MMP26: variants seen among roughly 807,000 people sequenced by gnomAD.
MMP26 encodes matrix metalloproteinase-26.
A neutral mutation model predicts 31.0 loss-of-function variants in MMP26; 33 were observed. That is an observed-to-expected ratio of 1.06 (90% CI 0.81 to 1.42). MMP26 has a LOEUF of 1.42. Among genes scored for constraint, MMP26 ranks in the 40% most tolerant of loss-of-function variants. The pLI is 0.00. For synonymous variants in MMP26, 122 were observed against 114.9 expected (o/e 1.06, Z -0.40); for missense variants, 347 against 316.1 (o/e 1.10, Z -0.74).
chr11:4,908,311 A>T (rs1850937970), intron 2 of MMP26: 1 of 1,611,360 alleles, frequency 6.2e-7, no homozygotes, highest in Admixed American at 1.7e-5. Context: ...GGAGATAAGA[A>T]CTTGAACAAT....
At chr11:4,735,358 A>T (rs1409019076) in intron 1 of MMP26, among the ~76,000 whole-genome samples, 2 of 152,194 alleles carry the variant, frequency 1.3e-5, no homozygotes, top group African/African-American at 4.8e-5. Context: ...ATAGCTATAT[A>T]TACAGATATA....
At chr11:4,724,398 C>T (rs1387138498) in intron 1 of MMP26, among the ~76,000 whole-genome samples, 1 of 152,210 alleles carries the variant, frequency 6.6e-6, no homozygotes, top group Non-Finnish European at 1.5e-5. Flanking sequence ...AAGCCTTGTA[C>T]ATTTTCTCTG....
In MMP26 at chr11:4,848,254, C is replaced by A. The variant is rs764252300; in HGVS notation, c.-145+80913C>A. On this transcript the variant is annotated intron_variant, in intron 2 of 7. Transcript: ENST00000380390. ...CATCCTACTCACTGAGCACCACCCACCTTCCTGGGCTGCAACCTGTTGAGT... is the reference window on the plus strand; with the variant it reads ...CATCCTACTCACTGAGCACCACCCAACTTCCTGGGCTGCAACCTGTTGAGT... The A allele has an allele frequency of 6.8e-6, 11 of 1,607,468 alleles. No homozygotes were observed. The South Asian group carries it at 1.2e-4, about 18-fold the overall frequency.
At chr11:4,863,561 A>G (rs1850194068) in intron 2 of MMP26, 1 of 152,216 alleles carries the variant, frequency 6.6e-6, no homozygotes, top group African/African-American at 2.4e-5. Context: ...GTTATCTTAC[A>G]CATAGCTTGC....
intron 1 of MMP26, among the ~76,000 whole-genome samples, chr11:4,707,859 G>A (rs1370177834): frequency 6.6e-6 from 1 of 152,080 alleles, no homozygotes; most frequent in African/African-American, 2.4e-5. Flanking sequence ...TGAGATCGTA[G>A]GTCTGAGAAA....
At chr11:4,936,692 T>C (rs1344824992) in intron 2 of MMP26, among the ~76,000 whole-genome samples, 1 of 152,138 alleles carries the variant, frequency 6.6e-6, no homozygotes, top group Non-Finnish European at 1.5e-5. Context: ...TAAAAAGCAA[T>C]AGCCAGAGCT....
chr11:4,968,679 T>G (rs1427355618), intron 2 of MMP26, among the ~76,000 whole-genome samples: 1 of 151,916 alleles, frequency 6.6e-6, no homozygotes, highest in Non-Finnish European at 1.5e-5. Context: ...AATTTCTTAT[T>G]AAGAGCAGAC....
chr11:4,802,049 T>A (rs1849190970), intron 2 of MMP26, among the ~76,000 whole-genome samples: 1 of 152,196 alleles, frequency 6.6e-6, no homozygotes, highest in Non-Finnish European at 1.5e-5. Flanking sequence ...ACATTTGAGT[T>A]AGTCATATGC....
chr11:4,917,576 C>G (rs917491360), intron 2 of MMP26, among the ~76,000 whole-genome samples: 1 of 152,212 alleles, frequency 6.6e-6, no homozygotes, highest in Non-Finnish European at 1.5e-5. Context: ...CGTTAACTCA[C>G]TGTCCACCTG....
intron 1 of MMP26, among the ~76,000 whole-genome samples, chr11:4,709,016 C>T (rs1344123036): frequency 6.6e-6 from 1 of 151,956 alleles, no homozygotes; most frequent in African/African-American, 2.4e-5. Context: ...ATTTTTTTCA[C>T]TCAACAGCTA....
At chr11:4,905,126 G>A (rs1160431773) in intron 2 of MMP26, among the ~76,000 whole-genome samples, 1 of 152,108 alleles carries the variant, frequency 6.6e-6, no homozygotes, top group African/African-American at 2.4e-5. Flanking sequence ...CTTATTTTAT[G>A]ACTACTGACA....
chr11:4,966,561 GAA>G (rs2133626486), intron 2 of MMP26, among the ~76,000 whole-genome samples: 1 of 152,308 alleles, frequency 6.6e-6, no homozygotes, highest in East Asian at 1.9e-4. Flanking sequence ...GGCTAGCTAA[GAA>G]GAGAGTTCAG....
At chr11:4,979,818 C>T (rs894689292) in intron 2 of MMP26, among the ~76,000 whole-genome samples, 18 of 152,088 alleles carry the variant, frequency 1.2e-4, no homozygotes, top group Middle Eastern at 3.4e-3. Context: ...GACAGGCATT[C>T]ATTTGATAAA....
intron 2 of MMP26, chr11:4,938,319 G>C (rs1846157874): frequency 6.6e-6 from 1 of 152,026 alleles, no homozygotes; most frequent in Admixed American, 6.6e-5. Context: ...TGCTTTACTA[G>C]GTGCTTACCT....
At chr11:4,907,996 C>G in intron 2 of MMP26, 1 of 1,614,188 alleles carries the variant, frequency 6.2e-7, no homozygotes, top group Non-Finnish European at 8.5e-7. Context: ...CTATGCTGGA[C>G]TTGGCACTGA....
chr11:4,709,544 A>G, intron 1 of MMP26: 1 of 414,020 alleles, frequency 2.4e-6, no homozygotes, highest in South Asian at 1.8e-5. Flanking sequence ...TCTTTTCCTC[A>G]AAGACATCTG....
chr11:4,785,791 A>G (rs1453134719), intron 2 of MMP26, among the ~76,000 whole-genome samples: 2 of 152,166 alleles, frequency 1.3e-5, no homozygotes, highest in African/African-American at 2.4e-5. Flanking sequence ...AAACCTCACT[A>G]AAAATTGCAA....
intron 1 of MMP26, among the ~76,000 whole-genome samples, chr11:4,744,931 G>T (rs1848360664): frequency 6.6e-6 from 1 of 151,902 alleles, no homozygotes; most frequent in South Asian, 2.1e-4. Flanking sequence ...GATTTAATAT[G>T]CAGTCTCTTA....
chr11:4,821,471 T>A (rs1589911222), intron 2 of MMP26: 1 of 1,613,694 alleles, frequency 6.2e-7, no homozygotes, highest in African/African-American at 1.3e-5. Context: ...TTCCTCCTGA[T>A]GGGCATTCCA....
Sources: gnomAD v4.1 joint callset for allele counts (sites outside exome capture counted in the v4.1 genomes callset) on GRCh38, gnomAD v4.1.1 for gene constraint, MANE v1.5 for transcripts, NCBI Gene and HGNC (gene_info 2026-07-23, HGNC 2026-07-21) for gene names.